EPM2A: variants seen among roughly 807,000 people sequenced by gnomAD.
EPM2A encodes the protein EPM2A glucan phosphatase, laforin.
EPM2A carries 21 observed loss-of-function variants against 26.5 expected under a neutral mutation model. The ratio of observed to expected loss-of-function variants is 0.79; its 90% confidence interval spans 0.56 to 1.14. The LOEUF is 1.14. Ranked by LOEUF, EPM2A falls within the 50% of genes most tolerant of loss-of-function variation. The probability of loss-of-function intolerance (pLI) is 0.00; values close to 1 mark genes in which losing one functional copy is unlikely to be tolerated. For synonymous variants in EPM2A, 217 were observed against 177.6 expected (o/e 1.22, Z -1.76); for missense variants, 458 against 440.8 (o/e 1.04, Z -0.35).
At chr6:145,636,696 G>A (rs1262563978) in intron 2 of EPM2A, 2 of 152,042 alleles carry the variant, frequency 1.3e-5, no homozygotes, top group African/African-American at 4.8e-5. Context: ...GGCTGAGGCG[G>A]GGATTGCTTG....
intron 2 of EPM2A, among the ~76,000 whole-genome samples, chr6:145,679,329 A>C (rs1780321571): frequency 6.6e-6 from 1 of 152,148 alleles, no homozygotes. Flanking sequence ...TGATGGGTGC[A>C]GCAAACCAAC....
At position 145,627,534 on chromosome 6, in the gene EPM2A, T is replaced by A. The variant is rs796052427; in HGVS notation, c.878A>T (p.Gln293Leu). 6.8e-6 allele frequency: 11 copies of A among 1,614,228 alleles called. No individual in the cohort carries two copies. Among genetic ancestry groups the A allele is most frequent in the Non-Finnish European group, 9.3e-6 (11 of 1,180,014 alleles). ...YVMGWNLRKV[Q>L]YFLMAKRPAV... ...CGGCCTCTTGGCCATGAGGAAATACTGCACCTTCCTCAGATTCCAGCCCAT... is the reference window on the plus strand; with the variant it reads ...CGGCCTCTTGGCCATGAGGAAATACAGCACCTTCCTCAGATTCCAGCCCAT... The change falls in exon 4 of 4, where the codon CAG becomes CTG. Residue 293 changes from glutamine to leucine, a missense_variant. Coordinates refer to ENST00000367519, the MANE Select transcript of EPM2A (RefSeq NM_005670.4).
At chr6:145,457,912 T>C (rs1482649178) in intron 4 of EPM2A, among the ~76,000 whole-genome samples, 1 of 152,212 alleles carries the variant, frequency 6.6e-6, no homozygotes, top group East Asian at 1.9e-4. Flanking sequence ...CTGAGTAACA[T>C]AAATAAAACA....
chr6:145,662,158 C>A (rs942699575), intron 2 of EPM2A, among the ~76,000 whole-genome samples: 1 of 152,098 alleles, frequency 6.6e-6, no homozygotes, highest in African/African-American at 2.4e-5. Context: ...TCCCTTCTTC[C>A]CACTTCCTTC....
At chr6:145,394,368 G>A (rs907430331) in intron 4 of EPM2A, among the ~76,000 whole-genome samples, 11 of 152,090 alleles carry the variant, frequency 7.2e-5, no homozygotes, top group African/African-American at 2.7e-4. Flanking sequence ...TTAAAAAACT[G>A]CCTGATACAC....
chr6:145,578,865 A>C (rs555492939), intron 2 of EPM2A, among the ~76,000 whole-genome samples: 1 of 152,274 alleles, frequency 6.6e-6, no homozygotes, highest in African/African-American at 2.4e-5. Flanking sequence ...AAGCAGGAGA[A>C]GAAGGGCGTC....
At chr6:145,542,519 T>C (rs1237989341) in intron 2 of EPM2A, among the ~76,000 whole-genome samples, 2 of 152,124 alleles carry the variant, frequency 1.3e-5, no homozygotes, top group African/African-American at 4.8e-5. Context: ...TATAACAAAG[T>C]CAACTGCTGA....
intron 2 of EPM2A, among the ~76,000 whole-genome samples, chr6:145,607,177 C>T (rs755645571): frequency 4.6e-5 from 7 of 152,026 alleles, no homozygotes; most frequent in South Asian, 2.1e-4. Flanking sequence ...CAAATAACCT[C>T]GTTAAAGTTT....
chr6:145,689,198 G>T (rs1389066311), intron 1 of EPM2A, among the ~76,000 whole-genome samples: 6 of 152,048 alleles, frequency 3.9e-5, no homozygotes, highest in Admixed American at 3.3e-4. Flanking sequence ...GTCTTTCATG[G>T]ATAGTAAACT....
intron 1 of EPM2A, among the ~76,000 whole-genome samples, chr6:145,731,298 C>CA (rs1406781377): frequency 6.6e-6 from 1 of 152,124 alleles, no homozygotes; most frequent in Admixed American, 6.5e-5. Flanking sequence ...CTAACAACTT[C>CA]AACAGAAAAC....
At chr6:145,695,672 T>C (rs1224135020) in intron 1 of EPM2A, among the ~76,000 whole-genome samples, 2 of 152,046 alleles carry the variant, frequency 1.3e-5, no homozygotes, top group Admixed American at 6.6e-5. Context: ...AAAAAGACTT[T>C]AAGTCAAACA....
intron 2 of EPM2A, among the ~76,000 whole-genome samples, chr6:145,517,766 A>T (rs577976009): frequency 6.6e-6 from 1 of 152,186 alleles, no homozygotes; most frequent in African/African-American, 2.4e-5. Flanking sequence ...GATGCACATT[A>T]ACATTTTTCA....
chr6:145,519,636 C>G (rs1324300067), intron 2 of EPM2A, among the ~76,000 whole-genome samples: 1 of 152,146 alleles, frequency 6.6e-6, no homozygotes, highest in Non-Finnish European at 1.5e-5. Flanking sequence ...GAGCGCACCA[C>G]AGAGGGGAGC....
chr6:145,616,272 G>A (rs534086617), intron 2 of EPM2A, among the ~76,000 whole-genome samples: 16 of 152,342 alleles, frequency 1.1e-4, no homozygotes, highest in Admixed American at 3.3e-4. Flanking sequence ...GCTTCAGAGC[G>A]AGCAAGCCTC....
chr6:145,686,153 T>C lies in EPM2A; in HGVS notation c.445A>G (p.Ile149Val), dbSNP rs908300962. 1.2e-6 allele frequency: 2 copies of C among 1,614,002 alleles called. No individual in the cohort carries two copies. Among genetic ancestry groups the C allele is most frequent in the Non-Finnish European group, 1.7e-6 (2 of 1,179,916 alleles). Residue 149 changes from isoleucine to valine, a missense_variant, in exon 2 of 4, where the codon ATT becomes GTT. Ile to Val is a conservative substitution (Grantham distance 29). Coordinates refer to ENST00000367519, the MANE Select transcript of EPM2A (RefSeq NM_005670.4). ...TAATGCATGGCTTGGTGGCCTGCAATATTAAAATAGAAGTCTGTTGTGTGC... is the reference window on the plus strand; with the variant it reads ...TAATGCATGGCTTGGTGGCCTGCAACATTAAAATAGAAGTCTGTTGTGTGC... ...MKHTTDFYFN[I>V]AGHQAMHYSR...
intron 4 of EPM2A, among the ~76,000 whole-genome samples, chr6:145,401,770 G>C (rs963735385): frequency 2.0e-5 from 3 of 152,068 alleles, no homozygotes; most frequent in Non-Finnish European, 2.9e-5. Flanking sequence ...GTAAGGCAGG[G>C]CTTAAAGAAT....
chr6:145,661,238 C>A (rs1368706374), intron 2 of EPM2A, among the ~76,000 whole-genome samples: 1 of 152,172 alleles, frequency 6.6e-6, no homozygotes, highest in Non-Finnish European at 1.5e-5. Context: ...TTCACCAGGC[C>A]ACAAATTTCA....
At chr6:145,429,307 T>G (rs917222361) in intron 4 of EPM2A, among the ~76,000 whole-genome samples, 14 of 152,146 alleles carry the variant, frequency 9.2e-5, no homozygotes, top group African/African-American at 3.4e-4. Flanking sequence ...TTTTAATATA[T>G]CTATCAATTA....
chr6:145,547,006 G>A (rs1274231477), intron 2 of EPM2A, among the ~76,000 whole-genome samples: 1 of 152,024 alleles, frequency 6.6e-6, no homozygotes, highest in Non-Finnish European at 1.5e-5. Context: ...GCTAAATCAG[G>A]TATGCATAAA....
Sources: allele counts gnomAD v4.1 joint callset (sites outside exome capture counted in the v4.1 genomes callset), GRCh38; gene constraint gnomAD v4.1.1; transcripts MANE v1.5; gene names NCBI Gene and HGNC (gene_info 2026-07-23, HGNC 2026-07-21).